Variants in ADAM29 observed in about 807,000 individuals in gnomAD.
ADAM29 encodes the protein ADAM metallopeptidase domain 29.
For missense variants in ADAM29, 969 were observed against 1,001.8 expected (o/e 0.97, Z 0.44); for synonymous variants, 367 against 342.3 (o/e 1.07, Z -0.80).
chr4:174,936,803 C>T (rs1401118323), intron 3 of ADAM29, 130 bp from the exon 4 acceptor site: 1 of 151,680 alleles, frequency 6.6e-6, no homozygotes, highest in African/African-American at 2.4e-5. Context: ...TAAGTGCTAT[C>T]CTAGGAGGAA....
At chr4:174,959,739 G>A (rs1273939622) in intron 4 of ADAM29, among the ~76,000 whole-genome samples, 5 of 151,760 alleles carry the variant, frequency 3.3e-5, no homozygotes, top group African/African-American at 1.2e-4. Context: ...ATTGCCGCTA[G>A]CTTCGTTTAT....
intron 3 of ADAM29, among the ~76,000 whole-genome samples, chr4:174,931,851 CAG>C (rs1016658697): frequency 8.5e-5 from 13 of 152,174 alleles, no homozygotes; most frequent in African/African-American, 3.1e-4. Flanking sequence ...CACATACACA[CAG>C]TGAGAGGGAG....
At chr4:174,931,816 TCACA>T (rs34499872) in intron 3 of ADAM29, among the ~76,000 whole-genome samples, 3 of 150,348 alleles carry the variant, frequency 2.0e-5, no homozygotes, top group Admixed American at 6.6e-5. Flanking sequence ...TCTCTCTCTG[TCACA>T]CACACACACA....
chr4:174,975,231 G>A (rs898900955), intron 4 of ADAM29, 115 bp from the exon 5 acceptor site: 5 of 271,452 alleles, frequency 1.8e-5, no homozygotes, highest in African/African-American at 1.1e-4. Context: ...CTTGATGAAA[G>A]CACTAATCAC....
Position 174,924,501 on chromosome 4 carries a change from C to A in ADAM29, c.-451+3709C>A, listed in dbSNP as rs186823534. 9.0e-3 allele frequency among the ~76,000 whole-genome samples: 1,371 copies of A among 152,276 alleles called. 46 individuals are homozygous for A. The highest frequency in any genetic ancestry group is 5.9e-3 in the Non-Finnish European group (402 of 68,016). On this transcript the variant is annotated intron_variant, in intron 2 of 4. Coordinates refer to ENST00000359240, the MANE Select transcript of ADAM29 (RefSeq NM_014269.4). ...TTGAAAACTTATGTCTACACAAAAA[C>A]CTGCATGTCAATGTATATAGCAGCT...
chr4:174,971,628 T>C (rs1746483188), intron 4 of ADAM29, among the ~76,000 whole-genome samples: 1 of 152,178 alleles, frequency 6.6e-6, no homozygotes, highest in Non-Finnish European at 1.5e-5. Flanking sequence ...TATCTCAAAA[T>C]ACACTTTGTT....
chr4:174,938,634 A>G (rs1744332633), intron 4 of ADAM29, among the ~76,000 whole-genome samples: 1 of 152,142 alleles, frequency 6.6e-6, no homozygotes, highest in Non-Finnish European at 1.5e-5. Flanking sequence ...GTTTTAAGAG[A>G]TGCTTGTGCC....
Position 174,963,349 on chromosome 4 carries a change from T to A in ADAM29, c.-180-11997T>A, listed in dbSNP as rs1745964250. ...TTTTATGATATCAGACAAATTTGAT[T>A]ATTGATTATGTGTAAATTTATATAA... is the stretch of plus-strand genomic sequence containing the variant. On this transcript the variant is annotated intron_variant, in intron 4 of 4. Transcript: ENST00000359240. Among the ~76,000 whole-genome samples, 3 of 152,270 alleles carry A rather than the reference T, an allele frequency of 2.0e-5. No homozygotes were observed. In the South Asian group the frequency reaches 6.2e-4, roughly 32 times the overall value.
chr4:174,932,554 C>T (rs938420124), intron 3 of ADAM29, among the ~76,000 whole-genome samples: 10 of 152,148 alleles, frequency 6.6e-5, no homozygotes, highest in Non-Finnish European at 4.4e-5. Flanking sequence ...GACCCAATCA[C>T]TCCCAAAGGC....
Position 174,977,148 on chromosome 4 carries a change from T to A in ADAM29, c.1623T>A (p.Tyr541Ter). The A allele has an allele frequency of 6.2e-7, 1 of 1,614,146 alleles. No homozygotes were observed. The highest frequency in any genetic ancestry group is 8.5e-7 in the Non-Finnish European group (1 of 1,180,026). Residue 541 changes from tyrosine (Y) to a stop codon, truncating the protein, a stop_gained, in exon 5 of 5, where the codon TAT becomes TAA. Coordinates refer to ENST00000359240, the MANE Select transcript of ADAM29 (RefSeq NM_014269.4). LOFTEE classifies it low-confidence loss of function (END_TRUNC). ...VGHCGIKNATYIKCNISDVQC... is the reference protein window; with the variant it reads ...VGHCGIKNAT ...ACTGTGGTATCAAAAATGCTACATA[T>A]ATAAAGTGTAATATCTCAGATGTCC...
At chr4:174,920,082 C>A (rs191565408) in intron 1 of ADAM29, among the ~76,000 whole-genome samples, 2 of 152,116 alleles carry the variant, frequency 1.3e-5, no homozygotes, top group Non-Finnish European at 2.9e-5. Flanking sequence ...TATGAGCCTG[C>A]GTCATCATGA....
At position 174,928,752 on chromosome 4, in the gene ADAM29, T is replaced by C. The variant is rs1487535650; in HGVS notation, c.-450-2234T>C. On this transcript the variant is annotated intron_variant, in intron 2 of 4. Transcript: ENST00000359240. ...TTGGTAAACATGATTCGGCCATCTG[T>C]GTTTGCTAATACGTGCTTATCTAAG... 7.2e-5 allele frequency among the ~76,000 whole-genome samples: 11 copies of C among 152,098 alleles called. No homozygotes were observed. The East Asian group carries it at 2.1e-3, about 29-fold the overall frequency.
intron 4 of ADAM29, among the ~76,000 whole-genome samples, chr4:174,970,576 C>G (rs552761676): frequency 1.1e-4 from 17 of 152,130 alleles, no homozygotes; most frequent in Admixed American, 1.0e-3. Context: ...CTGACACTTT[C>G]GTTTTGGCCA....
At chr4:174,929,461 G>C (rs1209836690) in intron 2 of ADAM29, among the ~76,000 whole-genome samples, 1 of 152,034 alleles carries the variant, frequency 6.6e-6, no homozygotes, top group African/African-American at 2.4e-5. Flanking sequence ...GATTTGAGGA[G>C]TGAAAAAAAT....
intron 4 of ADAM29, among the ~76,000 whole-genome samples, chr4:174,942,415 T>A (rs932740918): frequency 7.9e-5 from 12 of 152,136 alleles, no homozygotes; most frequent in African/African-American, 2.9e-4. Flanking sequence ...CATACATCAT[T>A]TGAAATCTAC....
Position 174,976,522 on chromosome 4 carries a change from C to T in ADAM29, c.997C>T (p.His333Tyr), listed in dbSNP as rs778609157. 6.2e-7 allele frequency: 1 copy of T among 1,608,368 alleles called. No individual in the cohort carries two copies. The highest frequency in any genetic ancestry group is 1.3e-5 in the African/African-American group (1 of 74,734). Residue 333 changes from histidine (H) to tyrosine (Y), a missense_variant, in exon 5 of 5, where the codon CAT becomes TAT. Transcript: ENST00000359240. ...LGTFSIAVAH[H>Y]LGHNLGMNHD... ...CACTTTTTCAATTGCAGTGGCTCAT[C>T]ATCTAGGTCATAATTTGGGCATGAA...
intron 4 of ADAM29, among the ~76,000 whole-genome samples, chr4:174,946,498 G>A (rs1281098281): frequency 6.6e-6 from 1 of 151,974 alleles, no homozygotes; most frequent in Non-Finnish European, 1.5e-5. Flanking sequence ...TCTTTCACTT[G>A]CCTGATTGCT....
At chr4:174,945,238 T>A (rs1208361485) in intron 4 of ADAM29, among the ~76,000 whole-genome samples, 1 of 152,182 alleles carries the variant, frequency 6.6e-6, no homozygotes, top group African/African-American at 2.4e-5. Context: ...TTTGCATTTA[T>A]CTAATTAGTA....
intron 4 of ADAM29, among the ~76,000 whole-genome samples, chr4:174,941,952 C>G (rs950921902): frequency 6.6e-6 from 1 of 152,116 alleles, no homozygotes; most frequent in Middle Eastern, 3.4e-3. Flanking sequence ...TTTTCCATTC[C>G]AAAAGGGAAA....
Sources: gnomAD v4.1 joint callset for allele counts (sites outside exome capture counted in the v4.1 genomes callset) on GRCh38, gnomAD v4.1.1 for gene constraint, MANE v1.5 for transcripts, NCBI Gene and HGNC (gene_info 2026-07-23, HGNC 2026-07-21) for gene names.